Variants in BDP1 observed in about 807,000 individuals in gnomAD.
BDP1 encodes the protein transcription factor TFIIIB component B'' homolog.
Under a neutral mutation model 266.6 loss-of-function variants are expected in BDP1, and 169 were observed. The ratio of observed to expected loss-of-function variants is 0.63; its 90% CI spans 0.56 to 0.72. The LOEUF (loss-of-function observed/expected upper bound fraction) is 0.72, where lower values mean the gene tolerates loss of function less well. Among genes scored for constraint, BDP1 ranks in the 30% least tolerant of loss-of-function variants. The pLI, the probability that BDP1 is intolerant of heterozygous loss-of-function variation, is 0.00. For missense variants in BDP1, 3,015 were observed against 3,053.8 expected, an observed-to-expected ratio of 0.99 and a Z score of 0.30; for synonymous variants, 1,090 against 1,022.4, an observed-to-expected ratio of 1.07 and a Z score of -1.26.
chr5:71,486,401 C>A, intron 8 of BDP1, 83 bp from the exon 9 acceptor site: 1 of 1,200,666 alleles, frequency 8.3e-7, no homozygotes, highest in Non-Finnish European at 1.2e-6. Context: ...AACCCATTTG[C>A]TTTTGATGTT....
At chr5:71,532,519 CACTTT>C (rs1359898531) in intron 26 of BDP1, 92 bp downstream of exon 26, 16 of 1,229,094 alleles carry the variant, frequency 1.3e-5, no homozygotes, top group African/African-American at 6.1e-5. Flanking sequence ...GGTTTATAAA[CACTTT>C]ACTTAGCTAA....
At chr5:71,551,786 C>G (rs1281979047) in intron 34 of BDP1, among the ~76,000 whole-genome samples, 1 of 146,908 alleles carries the variant, frequency 6.8e-6, no homozygotes, top group East Asian at 2.1e-4. Flanking sequence ...CTGACCCCCC[C>G]ACCTCCCTCC....
At position 71,545,098 on chromosome 5, in the gene BDP1, C is replaced by T; in HGVS notation, c.6623C>T (p.Ala2208Val). Residue 2208 changes from alanine to valine, a missense_variant, in exon 32 of 39, where the codon GCT becomes GTT. By Grantham distance (64) the Ala-to-Val change is moderately conservative. Coordinates refer to ENST00000358731, the MANE Select transcript of BDP1 (RefSeq NM_018429.3). ...CACATGTTGTCAGTTGCTCCAGTTG[C>T]TTCCTCTGAGACAGGGCCCTGCACA... is the stretch of plus-strand genomic sequence containing the variant. ...EVHMLSVAPV[A>V]SSETGPCTLG... 6.2e-7 allele frequency: 1 copy of T among 1,613,706 alleles called. No individual in the cohort carries two copies. Among genetic ancestry groups the T allele is most frequent in the Non-Finnish European group, 8.5e-7 (1 of 1,179,862 alleles).
intron 12 of BDP1, among the ~76,000 whole-genome samples, chr5:71,495,936 G>A (rs956307722): frequency 7.9e-5 from 12 of 151,886 alleles, no homozygotes; most frequent in African/African-American, 2.7e-4. Context: ...TCTCATATGG[G>A]CTTAAAAGCT....
intron 11 of BDP1, among the ~76,000 whole-genome samples, chr5:71,493,288 C>T (rs985853865): frequency 1.3e-5 from 2 of 152,154 alleles, no homozygotes; most frequent in African/African-American, 4.8e-5. Context: ...GTGACAGGGT[C>T]TTACTCTGTT....
chr5:71,463,548 G>A (rs1025859745), intron 3 of BDP1, among the ~76,000 whole-genome samples: 18 of 152,204 alleles, frequency 1.2e-4, no homozygotes, highest in Middle Eastern at 6.8e-3. Context: ...TCTGTTGGGC[G>A]TGGTGGCTCA....
At chr5:71,523,910 C>A (rs758231023) in intron 24 of BDP1, 29 bp from the exon 25 acceptor site, 3 of 1,579,894 alleles carry the variant, frequency 1.9e-6, no homozygotes, top group Non-Finnish European at 2.6e-6. Context: ...ATGCATATGA[C>A]CTTATTGTTG....
At chr5:71,532,649 G>A (rs1334562751) in intron 26 of BDP1, among the ~76,000 whole-genome samples, 1 of 152,158 alleles carries the variant, frequency 6.6e-6, no homozygotes, top group Non-Finnish European at 1.5e-5. Flanking sequence ...TTAAAATTCA[G>A]TTGCATTAAA....
Position 71,566,633 on chromosome 5 carries a change from G to C in BDP1, c.*1748G>C, listed in dbSNP as rs1561800667. The C allele has an allele frequency of 6.6e-6, 1 of 152,190 alleles. No individual in the cohort carries two copies. The allele number at this position is 152,190 out of a possible 1,614,324, so 9.4% of individuals were successfully genotyped here. A position where few individuals can be genotyped will look rare whatever the true frequency, so the allele number is the denominator to read the frequency against. ...GCAGCTACTCAGCTCTGCAATTTCA[G>C]TGTGAAAGAAGCCATAGACAGTACT... On this transcript the variant is annotated 3_prime_UTR_variant, in exon 39 of 39. Coordinates refer to ENST00000358731, the MANE Select transcript of BDP1 (RefSeq NM_018429.3).
At chr5:71,481,910 A>G (rs1349615210) in intron 7 of BDP1, among the ~76,000 whole-genome samples, 1 of 152,178 alleles carries the variant, frequency 6.6e-6, no homozygotes, top group African/African-American at 2.4e-5. Flanking sequence ...ATGCATTAGT[A>G]CTTAATTCTC....
chr5:71,533,559 G>A (rs1766391352), intron 26 of BDP1, among the ~76,000 whole-genome samples: 2 of 148,912 alleles, frequency 1.3e-5, no homozygotes, highest in South Asian at 4.2e-4. Flanking sequence ...TTGACCTCCT[G>A]AGTGTAAATG....
intron 21 of BDP1, 118 bp from the exon 22 acceptor site, chr5:71,517,204 A>C: frequency 1.1e-6 from 1 of 908,522 alleles, no homozygotes; most frequent in Non-Finnish European, 1.6e-6. Flanking sequence ...AAAATGCATA[A>C]ATAAAAATTT....
chr5:71,523,855 G>A, intron 24 of BDP1, 84 bp from the exon 25 acceptor site: 2 of 1,336,358 alleles, frequency 1.5e-6, no homozygotes, highest in Non-Finnish European at 2.0e-6. Flanking sequence ...GACTGGAACT[G>A]GAATTTCACT....
rs761753060 is a variant in BDP1 at position 71,560,257 on chromosome 5, A to T, written c.7496+20A>T. ...ATCCAGGTATCATGAACAAATCTTT[A>T]ATAAGTGTTTTGCTCTCTGTCTTAA... On this transcript the variant is annotated intron_variant, in intron 37 of 38. Coordinates refer to ENST00000358731, the MANE Select transcript of BDP1 (RefSeq NM_018429.3). The T allele has an allele frequency of 4.3e-6, 7 of 1,609,942 alleles. No individual in the cohort carries two copies.
intron 32 of BDP1, 142 bp downstream of exon 32, chr5:71,545,361 T>G (rs1742210495): frequency 1.2e-6 from 1 of 827,408 alleles, no homozygotes; most frequent in South Asian, 1.7e-5. Context: ...GGAGACAGTC[T>G]TGTTCTGTTG....
At chr5:71,482,512 A>T (rs1003630118) in intron 7 of BDP1, among the ~76,000 whole-genome samples, 1 of 152,220 alleles carries the variant, frequency 6.6e-6, no homozygotes, top group African/African-American at 2.4e-5. Context: ...TGCCAAGGCC[A>T]GAAGTGGAAA....
In BDP1 at chr5:71,561,900, G is replaced by A. The variant is rs192377573; in HGVS notation, c.7497-374G>A. Among the ~76,000 whole-genome samples the A allele has an allele frequency of 1.5e-3, 231 of 152,264 alleles. 1 individual carries two copies. Among genetic ancestry groups the A allele is most frequent in the African/African-American group, 5.3e-3 (220 of 41,562 alleles). ...TTGCCCAGGCTGTTTTTGAGCTCCT[G>A]GCCTTAAGTGGTCTTCCCACCTTAG... On this transcript the variant is annotated intron_variant, in intron 37 of 38. Coordinates refer to ENST00000358731, the MANE Select transcript of BDP1 (RefSeq NM_018429.3).
At chr5:71,463,849 ATTC>A (rs1275353884) in intron 3 of BDP1, among the ~76,000 whole-genome samples, 36 of 148,556 alleles carry the variant, frequency 2.4e-4, no homozygotes, top group African/African-American at 8.9e-4. Flanking sequence ...AAAAAAAAGT[ATTC>A]TTTACTTAGG....
downstream of BDP1, among the ~76,000 whole-genome samples, chr5:71,569,690 C>T (rs960043423): frequency 3.3e-5 from 5 of 152,068 alleles, no homozygotes; most frequent in African/African-American, 7.2e-5. Flanking sequence ...GGTTGCAGTA[C>T]GCTGATATTG....
Sources: gnomAD v4.1 joint callset for allele counts (sites outside exome capture counted in the v4.1 genomes callset) on GRCh38, gnomAD v4.1.1 for gene constraint, MANE v1.5 for transcripts, NCBI Gene and HGNC (gene_info 2026-07-23, HGNC 2026-07-21) for gene names.